Variants in ALPK2 observed in about 807,000 individuals in gnomAD.
The protein encoded by ALPK2 is alpha-protein kinase 2.
ALPK2 carries 127 observed loss-of-function variants against 163.1 expected under a neutral mutation model. The ratio of observed to expected loss-of-function variants is 0.78; its 90% CI spans 0.67 to 0.90. The LOEUF (loss-of-function observed/expected upper bound fraction) is 0.90, where lower values mean the gene tolerates loss of function less well. ALPK2 is among the 40% of genes least tolerant of loss of function. The pLI is 0.00. For synonymous variants in ALPK2, 953 were observed against 959.1 expected (o/e 0.99, Z 0.12); for missense variants, 2,360 against 2,589.6 (o/e 0.91, Z 1.92).
intron 5 of ALPK2, among the ~76,000 whole-genome samples, chr18:58,533,894 G>T (rs59170370): frequency 6.6e-6 from 1 of 152,044 alleles, no homozygotes; most frequent in Non-Finnish European, 1.5e-5. Flanking sequence ...AATAACAAAC[G>T]CCAGCCTCAA....
At chr18:58,518,652 G>A (rs971788270) in intron 8 of ALPK2, among the ~76,000 whole-genome samples, 5 of 152,190 alleles carry the variant, frequency 3.3e-5, no homozygotes, top group Non-Finnish European at 7.3e-5. Flanking sequence ...CCTTCTACCA[G>A]GAAGAACAAA....
intron 3 of ALPK2, among the ~76,000 whole-genome samples, chr18:58,588,374 G>T (rs560544107): frequency 6.6e-6 from 1 of 152,052 alleles, no homozygotes; most frequent in Admixed American, 6.5e-5. Flanking sequence ...GAGTGTACAC[G>T]TCAACACAGT....
intron 9 of ALPK2, among the ~76,000 whole-genome samples, chr18:58,515,379 G>A (rs1443643015): frequency 6.6e-6 from 1 of 152,212 alleles, no homozygotes; most frequent in African/African-American, 2.4e-5. Flanking sequence ...AGAACTAAGG[G>A]GACTGGCCCC....
At position 58,529,121 on chromosome 18, in the gene ALPK2, T is replaced by C. The variant is rs753824314; in HGVS notation, c.5471A>G (p.Asp1824Gly). The C allele has an allele frequency of 3.1e-6, 5 of 1,614,156 alleles. No homozygotes were observed. Among genetic ancestry groups the C allele is most frequent in the East Asian group, 4.5e-5 (2 of 44,874 alleles). ...HEDSTICWTK[D>G]SKSIAQVQRS... is the part of the protein sequence containing the mutation. ...CTGCACTTGGGCTATGGACTTTGAA[T>C]CTTTTGTCCAGCAGATAGTAGAATC... is the stretch of plus-strand genomic sequence containing the variant. The change falls in exon 6 of 13, where the codon GAT becomes GGT. Residue 1824 changes from aspartate (D) to glycine (G), a missense_variant. By Grantham distance (94) the Asp-to-Gly change is moderately conservative. Transcript: ENST00000361673.
At chr18:58,529,566 A>G (rs2051601626) in intron 5 of ALPK2, among the ~76,000 whole-genome samples, 1 of 152,230 alleles carries the variant, frequency 6.6e-6, no homozygotes, top group Admixed American at 6.5e-5. Flanking sequence ...TCTCATCCAA[A>G]TAAAGATGTT....
In ALPK2 at chr18:58,535,720, A is replaced by T; in HGVS notation, c.4467T>A (p.Thr1489=). 1 of 1,614,204 alleles carries T rather than the reference A, an allele frequency of 6.2e-7. No individual in the cohort carries two copies. Among genetic ancestry groups the T allele is most frequent in the Non-Finnish European group, 8.5e-7 (1 of 1,180,032 alleles). ...TGGGTTGCAGGACTTGCCAAATGGCAGTTTTTGCCTCCTCAGGTTGAATTT... is the reference window on the plus strand; with the variant it reads ...TGGGTTGCAGGACTTGCCAAATGGCTGTTTTTGCCTCCTCAGGTTGAATTT... ...AEQIQPEEAK[T]AIWQVLQPSE... The change falls in exon 5 of 13, where the codon ACT becomes ACA. Residue 1489 remains threonine (T), a synonymous_variant. Coordinates refer to ENST00000361673, the MANE Select transcript of ALPK2 (RefSeq NM_052947.4).
intron 3 of ALPK2, among the ~76,000 whole-genome samples, chr18:58,586,018 C>A (rs2051985483): frequency 6.6e-6 from 1 of 152,166 alleles, no homozygotes. Context: ...TTTACCCATG[C>A]ATGATTTTGT....
chr18:58,487,267 CA>C (rs2051344226), intron 12 of ALPK2, among the ~76,000 whole-genome samples: 1 of 152,146 alleles, frequency 6.6e-6, no homozygotes, highest in South Asian at 2.1e-4. Context: ...CAGAGACACA[CA>C]GGGGGAATAT....
chr18:58,621,598 GA>G (rs2052200780), intron 1 of ALPK2, among the ~76,000 whole-genome samples: 1 of 152,122 alleles, frequency 6.6e-6, no homozygotes, highest in Non-Finnish European at 1.5e-5. Flanking sequence ...GGGCAAAGAA[GA>G]AGGAGGAGGA....
chr18:58,504,098 G>T lies in ALPK2; in HGVS notation c.6080C>A (p.Ala2027Asp), dbSNP rs574577944. The T allele has an allele frequency of 6.2e-7, 1 of 1,614,172 alleles. No homozygotes were observed. Among genetic ancestry groups the T allele is most frequent in the Admixed American group, 1.7e-5 (1 of 60,020 alleles). The change falls in exon 11 of 13, where the codon GCT becomes GAT. Residue 2027 changes from alanine to aspartate, a missense_variant. Coordinates refer to ENST00000361673, the MANE Select transcript of ALPK2 (RefSeq NM_052947.4). ...TCCAATCAGCTCCTCCTCCACTGTA[G>T]CATACGGGATATTGTTCTCAGGCCG... ...IHRPENNIPY[A>D]TVEEELIGEF...
chr18:58,497,485 C>G (rs2051406691), intron 12 of ALPK2, among the ~76,000 whole-genome samples: 1 of 152,184 alleles, frequency 6.6e-6, no homozygotes, highest in Admixed American at 6.5e-5. Flanking sequence ...GTGTGTGCCT[C>G]ACACTAAGCA....
chr18:58,540,155 A>C (rs929109300), intron 4 of ALPK2, among the ~76,000 whole-genome samples: 4 of 152,226 alleles, frequency 2.6e-5, no homozygotes, highest in Admixed American at 1.3e-4. Flanking sequence ...TATAGCGATT[A>C]GCATGCGGTA....
At chr18:58,492,882 G>T (rs1468239009) in intron 12 of ALPK2, among the ~76,000 whole-genome samples, 1 of 152,232 alleles carries the variant, frequency 6.6e-6, no homozygotes, top group Non-Finnish European at 1.5e-5. Context: ...GGCTGGCTCT[G>T]TTGGGCCTGG....
chr18:58,515,576 T>C (rs1418664893), intron 9 of ALPK2, among the ~76,000 whole-genome samples: 1 of 152,182 alleles, frequency 6.6e-6, no homozygotes, highest in Admixed American at 6.5e-5. Context: ...ATCCAGATGC[T>C]GGGAGGTTTT....
chr18:58,550,069 T>C (rs1265257329), intron 4 of ALPK2, among the ~76,000 whole-genome samples: 1 of 152,130 alleles, frequency 6.6e-6, no homozygotes. Context: ...TGCTTTCAGA[T>C]TGTGCAGAGA....
chr18:58,496,360 T>A (rs2051401096), intron 12 of ALPK2, among the ~76,000 whole-genome samples: 1 of 152,110 alleles, frequency 6.6e-6, no homozygotes, highest in South Asian at 2.1e-4. Flanking sequence ...GCCAGCCAGG[T>A]CTCTGGTGAG....
chr18:58,581,789 T>A (rs1321503539), intron 3 of ALPK2, among the ~76,000 whole-genome samples: 1 of 152,248 alleles, frequency 6.6e-6, no homozygotes. Context: ...AGGCAGGAGC[T>A]GTGGGTCTGG....
chr18:58,518,713 C>T (rs2051534881), intron 8 of ALPK2, among the ~76,000 whole-genome samples: 1 of 152,166 alleles, frequency 6.6e-6, no homozygotes, highest in Admixed American at 6.5e-5. Context: ...GAGATGGACA[C>T]CAGCCATTAA....
intron 5 of ALPK2, among the ~76,000 whole-genome samples, chr18:58,529,589 C>T (rs572578049): frequency 1.3e-5 from 2 of 152,242 alleles, no homozygotes; most frequent in Admixed American, 6.5e-5. Flanking sequence ...TAAATGATTA[C>T]CAGATCATCC....
Sources: gnomAD v4.1 joint callset for allele counts (sites outside exome capture counted in the v4.1 genomes callset) on GRCh38, gnomAD v4.1.1 for gene constraint, MANE v1.5 for transcripts, NCBI Gene and HGNC (gene_info 2026-07-23, HGNC 2026-07-21) for gene names.